The following PPIP5K1 variants were observed in gnomAD, a reference collection of about 807,000 sequenced individuals.
The protein encoded by PPIP5K1 is inositol hexakisphosphate and diphosphoinositol-pentakisphosphate kinase 1.
In PPIP5K1, 6 loss-of-function variants were observed where a neutral mutation model predicts 27.7. The ratio of observed to expected loss-of-function variants is 0.22; its 90% CI spans 0.12 to 0.43. The LOEUF (loss-of-function observed/expected upper bound fraction) is 0.43. Ranked by LOEUF, PPIP5K1 falls within the 20% of genes least tolerant of loss-of-function variation. PPIP5K1 has a pLI of 1.00. For missense variants in PPIP5K1, 394 were observed against 635.4 expected, an observed-to-expected ratio of 0.62 and a Z score of 4.08; for synonymous variants, 145 against 242.6, an observed-to-expected ratio of 0.60 and a Z score of 3.74.
intron 31 of PPIP5K1, among the ~76,000 whole-genome samples, chr15:43,539,052 A>C (rs2080305489): frequency 6.6e-6 from 1 of 152,082 alleles, no homozygotes; most frequent in Non-Finnish European, 1.5e-5. Flanking sequence ...CTCTACTAAA[A>C]ATACAAAATT....
intron 30 of PPIP5K1, among the ~76,000 whole-genome samples, chr15:43,558,042 T>C (rs913465234): frequency 1.3e-5 from 2 of 149,872 alleles, no homozygotes; most frequent in Non-Finnish European, 2.9e-5. Flanking sequence ...TTCTATGATG[T>C]TTAGTTGGCC....
rs367799732 is a variant in PPIP5K1 at position 43,535,382 on chromosome 15, G to A, written c.3765C>T (p.Pro1255=). 1 of 1,614,026 alleles carries A rather than the reference G, an allele frequency of 6.2e-7. No individual in the cohort carries two copies. The highest frequency in any genetic ancestry group is 1.3e-5 in the African/African-American group (1 of 74,912). Residue 1255 remains proline, a synonymous_variant, in exon 32 of 32, where the codon CCC becomes CCT. Transcript: ENST00000420765. ...CTTCAGCCACGTGTGAATTTAGGGA[G>A]GGTTGATCACTGAAGCCAAATTGGG... is the stretch of plus-strand genomic sequence containing the variant. ...GNSQFGFSDQ[P]SLNSHVAEEH... is the part of the protein sequence containing the mutation.
At chr15:43,549,728 T>C (rs1195607406) in intron 30 of PPIP5K1, among the ~76,000 whole-genome samples, 3 of 152,170 alleles carry the variant, frequency 2.0e-5, no homozygotes, top group Admixed American at 2.0e-4. Flanking sequence ...CCCAGCACTT[T>C]GGGAGGCTGA....
chr15:43,579,383 T>TACACAC (rs371291746), intron 10 of PPIP5K1, among the ~76,000 whole-genome samples: 16,820 of 83,844 alleles, frequency 0.2, 2,132 homozygotes, highest in Non-Finnish European at 0.23. Flanking sequence ...TTCGATTATA[T>TACACAC]ACACACACAC....
chr15:43,553,425 C>T (rs2082491491), intron 30 of PPIP5K1, among the ~76,000 whole-genome samples: 1 of 151,980 alleles, frequency 6.6e-6, no homozygotes, highest in African/African-American at 2.4e-5. Context: ...CTACAACAGC[C>T]TTAACTTCCT....
intron 30 of PPIP5K1, among the ~76,000 whole-genome samples, chr15:43,548,159 C>A (rs540889303): frequency 6.6e-6 from 1 of 151,336 alleles, no homozygotes; most frequent in East Asian, 1.9e-4. Flanking sequence ...AGTGCACTGG[C>A]GCGATCTTGG....
chr15:43,534,788 C>T lies in PPIP5K1; in HGVS notation c.4359G>A (p.Glu1453=). The change falls in exon 32 of 32, where the codon GAG becomes GAA. Residue 1453 remains glutamate (E), a synonymous_variant. Coordinates refer to ENST00000420765, the MANE Select transcript of PPIP5K1 (RefSeq NM_001394395.1). ...FSVEVGRLAQ[E]TSAINLLSQG... is the part of the protein sequence containing the mutation. ...GAGATAACAGATTGATCGCAGAAGT[C>T]TCCTGGGCCAGCCTGCCAACCTCCA... The T allele has an allele frequency of 6.3e-7, 1 of 1,594,600 alleles. No homozygotes were observed. Among genetic ancestry groups the T allele is most frequent in the Non-Finnish European group, 8.5e-7 (1 of 1,170,868 alleles).
chr15:43,542,240 T>G (rs1015136472), intron 30 of PPIP5K1, among the ~76,000 whole-genome samples: 1 of 150,200 alleles, frequency 6.7e-6, no homozygotes, highest in African/African-American at 2.5e-5. Flanking sequence ...AGAGAGTTAG[T>G]GAAAAATATT....
chr15:43,539,083 T>C (rs1268095796), intron 31 of PPIP5K1, among the ~76,000 whole-genome samples: 1 of 151,870 alleles, frequency 6.6e-6, no homozygotes, highest in Non-Finnish European at 1.5e-5. Context: ...TGGTGGTGCA[T>C]GCCTGTAATC....
At chr15:43,542,584 C>T (rs2080884653) in intron 30 of PPIP5K1, among the ~76,000 whole-genome samples, 1 of 151,842 alleles carries the variant, frequency 6.6e-6, no homozygotes, top group Admixed American at 6.6e-5. Context: ...TGAGCTACCT[C>T]ACCTAGCACC....
rs190124327 is a variant in PPIP5K1 at position 43,555,120 on chromosome 15, A to C, written c.3556+3675T>G. On this transcript the variant is annotated intron_variant, in intron 30 of 31. Transcript: ENST00000420765. ...CCAAAGTGCTGGGATTACAGGCGTG[A>C]GCCACCATGCCCAGGCGTTAAAAGT... Among the ~76,000 whole-genome samples, 292 of 152,282 alleles carry C rather than the reference A, an allele frequency of 1.9e-3. 1 individual carries two copies. Among genetic ancestry groups the C allele is most frequent in the African/African-American group, 6.7e-3 (279 of 41,558 alleles).
intron 30 of PPIP5K1, among the ~76,000 whole-genome samples, chr15:43,555,881 C>T (rs2082875757): frequency 6.6e-6 from 1 of 152,152 alleles, no homozygotes; most frequent in African/African-American, 2.4e-5. Context: ...GTTAGGATTA[C>T]AGGCGTGAGC....
In PPIP5K1 at chr15:43,558,824, T is replaced by A. The variant is rs913830086; in HGVS notation, c.3527A>T (p.His1176Leu). Residue 1176 changes from histidine (H) to leucine (L), a missense_variant, in exon 30 of 32, where the codon CAC becomes CTC. His to Leu is a moderately conservative substitution (Grantham distance 99, BLOSUM62 -3). This residue lies in a region of PPIP5K1 where 379 missense variants were observed against 423.9 expected (regional missense o/e 0.89). Transcript: ENST00000420765. ...SEFLSRVCQR[H>L]TDAQAQASAA... is the part of the protein sequence containing the mutation. ...AGATGCCTGTGCCTGGGCATCAGTG[T>A]GGCGCTGGCAGACTCTACTCAAGAA... The A allele has an allele frequency of 1.2e-6, 2 of 1,614,082 alleles. No individual in the cohort carries two copies. Among genetic ancestry groups the A allele is most frequent in the Non-Finnish European group, 1.7e-6 (2 of 1,180,024 alleles).
intron 30 of PPIP5K1, 54 bp from the exon 31 acceptor site, chr15:43,539,637 G>T: frequency 8.8e-7 from 1 of 1,134,980 alleles, no homozygotes; most frequent in Non-Finnish European, 1.3e-6. Context: ...ATATGAGGAA[G>T]AATCCAGGAG....
chr15:43,561,041 T>TCCCTCAGAGTGTCAAA (rs761177637), intron 28 of PPIP5K1, among the ~76,000 whole-genome samples: 1 of 121,990 alleles, frequency 8.2e-6, no homozygotes, highest in African/African-American at 3.0e-5. Context: ...AATGAAAAAG[T>TCCCTCAGAGTGTCAAA]GATGGTATTG....
chr15:43,548,173 A>T (rs569865415), intron 30 of PPIP5K1, among the ~76,000 whole-genome samples: 1 of 151,386 alleles, frequency 6.6e-6, no homozygotes, highest in African/African-American at 2.4e-5. Flanking sequence ...ATCTTGGCTC[A>T]CTGCAACCTC....
intron 31 of PPIP5K1, among the ~76,000 whole-genome samples, chr15:43,538,820 C>A (rs1369542891): frequency 6.6e-6 from 1 of 152,150 alleles, no homozygotes; most frequent in Non-Finnish European, 1.5e-5. Flanking sequence ...CCTCCTGCTC[C>A]CAGCTTTTCT....
chr15:43,536,337 TG>T (rs1259298470), intron 31 of PPIP5K1: 2 of 264,732 alleles, frequency 7.6e-6, no homozygotes, highest in African/African-American at 4.7e-5. Flanking sequence ...GTGAATCACT[TG>T]AACCCCAGAG....
intron 30 of PPIP5K1, among the ~76,000 whole-genome samples, chr15:43,554,325 C>CT (rs1028569398): frequency 3.3e-5 from 5 of 151,956 alleles, no homozygotes; most frequent in African/African-American, 4.8e-5. Flanking sequence ...CTTGTAACAA[C>CT]TTTTTTTAAA....
Sources: allele counts gnomAD v4.1 joint callset (sites outside exome capture counted in the v4.1 genomes callset), GRCh38; gene constraint gnomAD v4.1.1; regional missense constraint gnomAD v4.1.1; transcripts MANE v1.5; gene names NCBI Gene and HGNC (gene_info 2026-07-23, HGNC 2026-07-21).